Variants in CCDC88C observed in about 807,000 individuals in gnomAD.
CCDC88C encodes the protein coiled-coil and HOOK domain protein 88C.
In CCDC88C, 131 loss-of-function variants were observed where a neutral mutation model predicts 198.8. That is an observed-to-expected ratio of 0.66 (90% CI 0.57 to 0.76). The LOEUF is 0.76. Among genes scored for constraint, CCDC88C ranks in the 30% least tolerant of loss-of-function variants. The pLI is 0.00. For missense variants in CCDC88C, 2,553 were observed against 2,631.6 expected, an observed-to-expected ratio of 0.97 and a Z score of 0.65; for synonymous variants, 1,166 against 1,114.7, an observed-to-expected ratio of 1.05 and a Z score of -0.92.
intron 24 of CCDC88C, among the ~76,000 whole-genome samples, chr14:91,289,621 G>A (rs1890575447): frequency 2.0e-5 from 3 of 152,194 alleles, no homozygotes; most frequent in Non-Finnish European, 2.9e-5. Flanking sequence ...AAGTGATGCC[G>A]TGCTTAATTT....
intron 3 of CCDC88C, among the ~76,000 whole-genome samples, chr14:91,363,890 C>T (rs1346201268): frequency 2.0e-5 from 3 of 152,232 alleles, no homozygotes; most frequent in African/African-American, 7.2e-5. Context: ...ACGAGGGGAC[C>T]CTCCCACGTG....
At chr14:91,335,231 G>A (rs1332025591) in intron 10 of CCDC88C, among the ~76,000 whole-genome samples, 1 of 152,184 alleles carries the variant, frequency 6.6e-6, no homozygotes, top group East Asian at 1.9e-4. Context: ...AGGCAGACTT[G>A]GGGCCACGTA....
chr14:91,363,410 C>G (rs1355616049), intron 3 of CCDC88C, among the ~76,000 whole-genome samples: 1 of 151,952 alleles, frequency 6.6e-6, no homozygotes, highest in Non-Finnish European at 1.5e-5. Flanking sequence ...CTTGCCCGGC[C>G]TTTGCATTCT....
In CCDC88C at chr14:91,339,923, G is replaced by A. The variant is rs1272149017; in HGVS notation, c.585C>T (p.His195=). Residue 195 remains histidine, a synonymous_variant, in exon 7 of 30, where the codon CAC becomes CAT. Coordinates refer to ENST00000389857, the MANE Select transcript of CCDC88C (RefSeq NM_001080414.4). This position sits in a 1 kb window ranked among gnomAD's most constrained non-coding sequence, Gnocchi z 5.8. The part of the protein sequence containing the change: ...LEALSRSMVL[H]LRRLIDQRDE... ...CCCGCTGGTCGATGAGCCTCCGCAG[G>A]TGGAGCACCATGCTCCTCGACAGGG... 17 of 1,594,920 alleles carry A rather than the reference G, an allele frequency of 1.1e-5. No individual in the cohort carries two copies. Among genetic ancestry groups the A allele is most frequent in the Admixed American group, 5.2e-5 (3 of 57,748 alleles).
At chr14:91,410,451 A>G (rs971924278) in intron 2 of CCDC88C, among the ~76,000 whole-genome samples, 11 of 152,350 alleles carry the variant, frequency 7.2e-5, no homozygotes, top group African/African-American at 2.4e-4. Context: ...AAAGGAAAAA[A>G]AAACCCTACA....
chr14:91,279,151 G>T, intron 28 of CCDC88C, 87 bp downstream of exon 28: 1 of 1,061,130 alleles, frequency 9.4e-7, no homozygotes, highest in South Asian at 1.4e-5. Flanking sequence ...CCACCTGCTT[G>T]GCCCTCCCAA....
At chr14:91,297,188 A>G in intron 22 of CCDC88C, 117 bp downstream of exon 22, 1 of 1,068,086 alleles carries the variant, frequency 9.4e-7, no homozygotes, top group Non-Finnish European at 1.3e-6. Context: ...ACCTCCACAC[A>G]TTTCTGTCTT....
chr14:91,338,856 C>A lies in CCDC88C; in HGVS notation c.810-286G>T. On this transcript the variant is annotated intron_variant, in intron 8 of 29. Transcript: ENST00000389857. The surrounding 1 kb of genome is among the most constrained non-coding windows in gnomAD (Gnocchi z 4.8). ...GACCCCAGCGGCAGCTGTACCACCC[C>A]ACAGCCAGGCTCCACAGGTGACATC... The A allele has an allele frequency of 4.0e-6, 2 of 498,436 alleles. No homozygotes were observed. The highest frequency in any genetic ancestry group is 7.3e-6 in the Non-Finnish European group (2 of 273,328). 30.9% of individuals were successfully genotyped at this position (498,436 alleles called of 1,614,324 possible). A position where few individuals can be genotyped will look rare whatever the true frequency, so the allele number is the denominator to read the frequency against.
Position 91,273,302 on chromosome 14 carries a change from C to A in CCDC88C, c.5410G>T (p.Ala1804Ser). 1 of 1,558,432 alleles carries A rather than the reference C, an allele frequency of 6.4e-7. No individual in the cohort carries two copies. The highest frequency in any genetic ancestry group is 8.7e-7 in the Non-Finnish European group (1 of 1,150,152). Residue 1804 changes from alanine (A) to serine (S), a missense_variant, in exon 30 of 30, where the codon GCC becomes TCC. Transcript: ENST00000389857. The surrounding 1 kb of genome is among the most constrained non-coding windows in gnomAD (Gnocchi z 5.6). ...PASRSASLSR[A>S]FSLASADLLR... Reference sequence around the variant, plus strand: ...AGGTCAGCTGAGGCCAGGCTGAAGGCCCGGCTCAAGGAGGCACTGCGGCTG... The same window carrying A: ...AGGTCAGCTGAGGCCAGGCTGAAGGACCGGCTCAAGGAGGCACTGCGGCTG...
chr14:91,416,121 G>A (rs547336530), intron 2 of CCDC88C, among the ~76,000 whole-genome samples: 3 of 152,304 alleles, frequency 2.0e-5, no homozygotes, highest in African/African-American at 7.2e-5. Flanking sequence ...GTGGTCAGAT[G>A]TACTCGCTGG....
At chr14:91,330,384 C>T (rs549759681) in intron 10 of CCDC88C, among the ~76,000 whole-genome samples, 13 of 152,084 alleles carry the variant, frequency 8.5e-5, no homozygotes, top group African/African-American at 1.7e-4. Context: ...GACGAGGGTA[C>T]GGTGTGGGTT....
chr14:91,323,217 T>C (rs943231566), intron 12 of CCDC88C, among the ~76,000 whole-genome samples: 1 of 152,126 alleles, frequency 6.6e-6, no homozygotes, highest in African/African-American at 2.4e-5. Context: ...AGTGTTTCTT[T>C]ACTAGTGCAA....
intron 4 of CCDC88C, among the ~76,000 whole-genome samples, chr14:91,351,856 G>A (rs1482712447): frequency 6.6e-6 from 1 of 152,072 alleles, no homozygotes; most frequent in Non-Finnish European, 1.5e-5. Flanking sequence ...CCCAGGTCAT[G>A]TAGAACACTT....
chr14:91,317,008 C>T lies in CCDC88C; in HGVS notation c.1528-1221G>A, dbSNP rs1017552371. Among the ~76,000 whole-genome samples the T allele has an allele frequency of 2.0e-5, 3 of 152,184 alleles. 1 individual carries two copies. The highest frequency in any genetic ancestry group is 7.2e-5 in the African/African-American group (3 of 41,440). Reference sequence around the variant, plus strand: ...GGGAGTTGTGGGTGCCAGGACCCTGCCCCTCAGCCCCCAGGCTGCATGTCT... The same window carrying T: ...GGGAGTTGTGGGTGCCAGGACCCTGTCCCTCAGCCCCCAGGCTGCATGTCT... On this transcript the variant is annotated intron_variant, in intron 13 of 29. Transcript: ENST00000389857.
intron 29 of CCDC88C, among the ~76,000 whole-genome samples, chr14:91,274,045 C>G (rs868338537): frequency 6.6e-6 from 1 of 151,966 alleles, no homozygotes; most frequent in African/African-American, 2.4e-5. Context: ...CGGATATGAG[C>G]AGGGCCTTCC....
At chr14:91,403,621 A>G (rs1385550135) in intron 3 of CCDC88C, among the ~76,000 whole-genome samples, 3 of 152,274 alleles carry the variant, frequency 2.0e-5, no homozygotes, top group Non-Finnish European at 4.4e-5. Context: ...TCCAAAATTT[A>G]ATTTTAACAA....
intron 3 of CCDC88C, among the ~76,000 whole-genome samples, chr14:91,383,376 T>C (rs966994813): frequency 1.1e-4 from 17 of 152,084 alleles, no homozygotes; most frequent in Non-Finnish European, 2.2e-4. Context: ...AGAAAGACTG[T>C]CGTTGTTTCC....
Position 91,366,151 on chromosome 14 carries a change from A to AC in CCDC88C, c.271-6441_271-6440insG, listed in dbSNP as rs1567101228. 3.0e-5 allele frequency among the ~76,000 whole-genome samples: 3 copies of AC among 101,278 alleles called. No homozygotes were observed. In the East Asian group the frequency reaches 9.7e-4, roughly 33 times the overall value. The allele number at this position is 101,278 out of a possible 152,430, so 66.4% of individuals were successfully genotyped here. A position where few individuals can be genotyped will look rare whatever the true frequency, so the allele number is the denominator to read the frequency against. ...GTGAACATGACAGACCTACTTAAAAAATACACACACACACACACACACACA... is the reference window on the plus strand; with the variant it reads ...GTGAACATGACAGACCTACTTAAAAACATACACACACACACACACACACACA... On this transcript the variant is annotated intron_variant, in intron 3 of 29. Coordinates refer to ENST00000389857, the MANE Select transcript of CCDC88C (RefSeq NM_001080414.4).
At chr14:91,291,381 AG>A (rs1259812560) in intron 23 of CCDC88C, among the ~76,000 whole-genome samples, 1 of 152,202 alleles carries the variant, frequency 6.6e-6, no homozygotes, top group Non-Finnish European at 1.5e-5. Context: ...GGAAGACCCA[AG>A]GATTCTCCTT....
Sources: allele counts gnomAD v4.1 joint callset (sites outside exome capture counted in the v4.1 genomes callset), GRCh38; gene constraint gnomAD v4.1.1; non-coding constraint Gnocchi (gnomAD v3.1); transcripts MANE v1.5; gene names NCBI Gene and HGNC (gene_info 2026-07-23, HGNC 2026-07-21).